Variants in CASP4 observed in about 807,000 individuals in gnomAD.
CASP4 encodes caspase 4.
A neutral mutation model predicts 41.3 loss-of-function variants in CASP4; 29 were observed. The ratio of observed to expected loss-of-function variants is 0.70; its 90% CI spans 0.52 to 0.96. The LOEUF (loss-of-function observed/expected upper bound fraction) is 0.96. CASP4 is among the 40% of genes least tolerant of loss of function. The pLI is 0.00. For missense variants in CASP4, 447 were observed against 460.6 expected (o/e 0.97, Z 0.27); for synonymous variants, 185 against 158.4 (o/e 1.17, Z -1.26).
chr11:104,957,054 A>G (rs1035465974), intron 1 of CASP4, among the ~76,000 whole-genome samples: 14 of 152,154 alleles, frequency 9.2e-5, no homozygotes, highest in Non-Finnish European at 1.8e-4. Context: ...AGTTCTGACC[A>G]GAGCAATTCG....
At chr11:104,954,541 C>T (rs1380206253) in intron 2 of CASP4, among the ~76,000 whole-genome samples, 4 of 152,142 alleles carry the variant, frequency 2.6e-5, no homozygotes, top group Non-Finnish European at 2.9e-5. Flanking sequence ...ACAGTCTGAA[C>T]ACAAGGACTC....
chr11:104,950,823 C>CACACACAT, intron 4 of CASP4, 102 bp downstream of exon 4: 2 of 1,056,818 alleles, frequency 1.9e-6, no homozygotes, highest in Non-Finnish European at 2.8e-6. Context: ...CACACACACA[C>CACACACAT]CCAAAGGTTG....
chr11:104,948,905 C>A, intron 5 of CASP4: 2 of 346,472 alleles, frequency 5.8e-6, no homozygotes, highest in Non-Finnish European at 1.0e-5. Flanking sequence ...TTGAATTTAC[C>A]ATTTTCTAGA....
chr11:104,956,629 GT>G, intron 1 of CASP4: 2 of 984,178 alleles, frequency 2.0e-6, no homozygotes, highest in Non-Finnish European at 2.4e-6. Flanking sequence ...TTAAAAGAAT[GT>G]AGACAAGATA....
chr11:104,945,460 G>C (rs1320567439), intron 7 of CASP4, among the ~76,000 whole-genome samples: 2 of 152,050 alleles, frequency 1.3e-5, no homozygotes, highest in Non-Finnish European at 2.9e-5. Flanking sequence ...GTTTCACTAT[G>C]TTGTCCAGGC....
intron 1 of CASP4, 64 bp from the exon 2 acceptor site, chr11:104,955,065 A>G: frequency 1.3e-6 from 2 of 1,491,108 alleles, no homozygotes; most frequent in Non-Finnish European, 1.8e-6. Flanking sequence ...CCCTCACTTT[A>G]GATATAGTTC....
At position 104,951,069 on chromosome 11, in the gene CASP4, G is replaced by C; in HGVS notation, c.402C>G (p.Arg134=). The change falls in exon 4 of 9, where the codon CGC becomes CGG. Residue 134 remains arginine (R), a synonymous_variant. Transcript: ENST00000444739. The part of the protein sequence containing the change: ...EIYPIKERNN[R]TRLALIICNT... The stretch of plus-strand genomic sequence containing the variant: ...TGCATATGATGAGAGCCAGGCGTGT[G>C]CGGTTGTTTCTCTCCTTTATTGGAT... 1 of 1,613,178 alleles carries C rather than the reference G, an allele frequency of 6.2e-7. No individual in the cohort carries two copies. Among genetic ancestry groups the C allele is most frequent in the Non-Finnish European group, 8.5e-7 (1 of 1,179,424 alleles).
intron 7 of CASP4, 71 bp from the exon 8 acceptor site, chr11:104,944,922 AC>A: frequency 2.0e-6 from 2 of 998,550 alleles, no homozygotes; most frequent in Non-Finnish European, 3.2e-6. Context: ...TTCACCATGT[AC>A]CAGACAACAC....
chr11:104,962,707 T>G (rs1368171976), intron 1 of CASP4, among the ~76,000 whole-genome samples: 1 of 152,186 alleles, frequency 6.6e-6, no homozygotes, highest in African/African-American at 2.4e-5. Flanking sequence ...TCTTGAGCAG[T>G]TAAAAGCCTT....
chr11:104,947,042 T>C (rs372442176), intron 7 of CASP4, 41 bp downstream of exon 7: 64 of 1,363,050 alleles, frequency 4.7e-5, no homozygotes, highest in Non-Finnish European at 5.2e-6. Context: ...GACAAATTCT[T>C]CCTGAAGAAA....
chr11:104,955,927 A>T (rs1468455235), intron 1 of CASP4, among the ~76,000 whole-genome samples: 5 of 152,240 alleles, frequency 3.3e-5, no homozygotes, highest in Admixed American at 3.3e-4. Context: ...TCATGTCAGG[A>T]CATTGCACAA....
intron 1 of CASP4, among the ~76,000 whole-genome samples, chr11:104,965,499 T>A (rs897280598): frequency 1.3e-5 from 2 of 152,228 alleles, no homozygotes; most frequent in Non-Finnish European, 2.9e-5. Context: ...TGAAACTGCC[T>A]TTGCAATATT....
chr11:104,952,105 C>T, intron 2 of CASP4, 100 bp from the exon 3 acceptor site: 1 of 705,646 alleles, frequency 1.4e-6, no homozygotes, highest in Non-Finnish European at 2.5e-6. Flanking sequence ...AAGATTTCTT[C>T]ACATATAGGG....
intron 7 of CASP4, among the ~76,000 whole-genome samples, chr11:104,946,417 A>T (rs1021508157): frequency 2.0e-5 from 3 of 152,202 alleles, no homozygotes; most frequent in African/African-American, 7.2e-5. Flanking sequence ...GTGAGTAAAT[A>T]CAAGTAAAAA....
At chr11:104,951,120 T>C in intron 3 of CASP4, 22 bp from the exon 4 acceptor site, 1 of 1,602,680 alleles carries the variant, frequency 6.2e-7, no homozygotes, top group Non-Finnish European at 8.5e-7. Flanking sequence ...GGAGATGCAA[T>C]AAATTTAATT....
At chr11:104,950,413 C>G (rs1394760097) in intron 4 of CASP4, among the ~76,000 whole-genome samples, 1 of 152,070 alleles carries the variant, frequency 6.6e-6, no homozygotes, top group Non-Finnish European at 1.5e-5. Context: ...TGTCTTGTCG[C>G]TGTTTTGTAG....
intron 1 of CASP4, among the ~76,000 whole-genome samples, chr11:104,958,251 G>A (rs935191334): frequency 2.0e-5 from 3 of 152,014 alleles, no homozygotes; most frequent in Non-Finnish European, 4.4e-5. Context: ...GACAGAAAAG[G>A]ACAGGAAACA....
chr11:104,955,281 T>C (rs910636483), intron 1 of CASP4, among the ~76,000 whole-genome samples: 3 of 152,066 alleles, frequency 2.0e-5, no homozygotes, highest in African/African-American at 4.8e-5. Context: ...TAATGCAAAC[T>C]TCCTGGTCAT....
chr11:104,951,734 T>C, intron 3 of CASP4, 162 bp downstream of exon 3: 1 of 676,526 alleles, frequency 1.5e-6, no homozygotes, highest in Non-Finnish European at 2.7e-6. Context: ...AAAGGATTGG[T>C]ATCATTGTGA....
Sources: allele counts gnomAD v4.1 joint callset (sites outside exome capture counted in the v4.1 genomes callset), GRCh38; gene constraint gnomAD v4.1.1; transcripts MANE v1.5; gene names NCBI Gene and HGNC (gene_info 2026-07-23, HGNC 2026-07-21).